The following GFRAL variants were observed in gnomAD, a reference collection of about 807,000 sequenced individuals.
GFRAL encodes the protein GDNF family receptor alpha-like.
In GFRAL, 36 loss-of-function variants were observed where a neutral mutation model predicts 45.4. The observed-to-expected ratio is 0.79, with a 90% CI of 0.61 to 1.05. GFRAL has a LOEUF of 1.05. Ranked by LOEUF, GFRAL falls within the 50% of genes least tolerant of loss-of-function variation. The probability of loss-of-function intolerance (pLI) is 0.00; values close to 1 mark genes in which losing one functional copy is unlikely to be tolerated. For synonymous variants in GFRAL, 166 were observed against 154.1 expected (o/e 1.08, Z -0.57); for missense variants, 507 against 467.5 (o/e 1.08, Z -0.78).
intron 3 of GFRAL, among the ~76,000 whole-genome samples, chr6:55,342,808 C>T (rs1309276517): frequency 1.3e-5 from 2 of 151,798 alleles, no homozygotes; most frequent in Admixed American, 6.6e-5. Context: ...CACACATAGG[C>T]TCAAAATAAA....
At chr6:55,395,160 T>TG (rs1379625551) in intron 6 of GFRAL, among the ~76,000 whole-genome samples, 2 of 65,590 alleles carry the variant, frequency 3.0e-5, no homozygotes, top group African/African-American at 2.0e-4. Flanking sequence ...AATCAGCCTA[T>TG]GGAAAAAAAA....
At chr6:55,390,886 TCACACACATACACACA>T (rs1768741935) in intron 6 of GFRAL, among the ~76,000 whole-genome samples, 1 of 50,816 alleles carries the variant, frequency 2.0e-5, no homozygotes, top group South Asian at 7.1e-4. Context: ...AGACTCCATC[TCACACACATACACACA>T]CACACACACA....
At position 55,401,832 on chromosome 6, in the gene GFRAL, C is replaced by T; in HGVS notation, c.1164C>T (p.Ile388=). The part of the protein sequence containing the change: ...ISSKARDPSS[I]QIPGEL ...GTAAAGCAAGAGATCCTTCATCGAT[C>T]CAAATACCTGGAGAACTCTGATTCA... is the stretch of plus-strand genomic sequence containing the variant. The change falls in exon 9 of 9, where the codon ATC becomes ATT. Residue 388 remains isoleucine (I), a synonymous_variant. Transcript: ENST00000340465. 6.5e-7 allele frequency: 1 copy of T among 1,538,436 alleles called. No individual in the cohort carries two copies. Among genetic ancestry groups the T allele is most frequent in the Non-Finnish European group, 9.0e-7 (1 of 1,110,580 alleles).
At chr6:55,355,262 G>T (rs1487972908) in intron 5 of GFRAL, among the ~76,000 whole-genome samples, 1 of 151,714 alleles carries the variant, frequency 6.6e-6, no homozygotes, top group Admixed American at 6.6e-5. Flanking sequence ...TAGAGGACAG[G>T]TCAATAGGTG....
chr6:55,341,685 C>T (rs78948546), intron 3 of GFRAL, among the ~76,000 whole-genome samples: 38,294 of 152,082 alleles, frequency 0.25, 5,206 homozygotes, highest in Middle Eastern at 0.44. Context: ...ATGACTTTGA[C>T]GAGTTCAGAG....
intron 6 of GFRAL, 31 bp downstream of exon 6, chr6:55,359,169 T>C (rs2127357305): frequency 6.5e-7 from 1 of 1,538,856 alleles, no homozygotes; most frequent in Middle Eastern, 2.2e-4. Flanking sequence ...TATCTGTCTA[T>C]CTATCTATCT....
At chr6:55,367,447 A>G (rs1384241328) in intron 6 of GFRAL, among the ~76,000 whole-genome samples, 1 of 144,600 alleles carries the variant, frequency 6.9e-6, no homozygotes, top group Non-Finnish European at 1.5e-5. Flanking sequence ...TTACATTTAA[A>G]GTTAATATTG....
intron 6 of GFRAL, among the ~76,000 whole-genome samples, chr6:55,387,771 T>G (rs1023760270): frequency 2.0e-5 from 3 of 152,172 alleles, no homozygotes; most frequent in Non-Finnish European, 2.9e-5. Flanking sequence ...CTTTACAACA[T>G]TGCAAACATC....
At chr6:55,329,756 C>A (rs771723459) in intron 1 of GFRAL, among the ~76,000 whole-genome samples, 1 of 152,062 alleles carries the variant, frequency 6.6e-6, no homozygotes, top group African/African-American at 2.4e-5. Flanking sequence ...TGGGCCTAAT[C>A]TCCAAATGCA....
intron 3 of GFRAL, among the ~76,000 whole-genome samples, chr6:55,346,477 G>A (rs1318143926): frequency 6.6e-6 from 1 of 152,030 alleles, no homozygotes; most frequent in Non-Finnish European, 1.5e-5. Flanking sequence ...TCACTCATAG[G>A]TGGGAATTGA....
At position 55,381,576 on chromosome 6, in the gene GFRAL, A is replaced by G. The variant is rs923984410; in HGVS notation, c.953-17604A>G. ...GAAAGTACTTTGAATACACTCATTT[A>G]TATATGGAGGTGCATGATACATAGT... On this transcript the variant is annotated intron_variant, in intron 6 of 8. Transcript: ENST00000340465. Among the ~76,000 whole-genome samples the G allele has an allele frequency of 2.6e-5, 4 of 151,906 alleles. No individual in the cohort carries two copies. The South Asian group carries it at 6.2e-4, about 24-fold the overall frequency.
intron 6 of GFRAL, among the ~76,000 whole-genome samples, chr6:55,396,723 T>G: frequency 6.6e-6 from 1 of 152,088 alleles, no homozygotes; most frequent in Admixed American, 6.5e-5. Flanking sequence ...TAAAAAAAAG[T>G]ATTATTTAAA....
At chr6:55,347,734 G>A (rs1247003275) in intron 3 of GFRAL, among the ~76,000 whole-genome samples, 6 of 152,088 alleles carry the variant, frequency 3.9e-5, no homozygotes. Flanking sequence ...AGGGAAGTGA[G>A]GCTAGAGAAA....
intron 3 of GFRAL, among the ~76,000 whole-genome samples, chr6:55,338,197 T>C (rs1767915899): frequency 6.6e-6 from 1 of 152,088 alleles, no homozygotes; most frequent in South Asian, 2.1e-4. Flanking sequence ...TTCAAGCTAT[T>C]CCTCTGCCTC....
intron 6 of GFRAL, among the ~76,000 whole-genome samples, chr6:55,364,151 C>G (rs975420617): frequency 2.0e-5 from 3 of 150,812 alleles, no homozygotes; most frequent in Admixed American, 6.6e-5. Context: ...GAGATGGTAT[C>G]TCATTGTGGT....
At chr6:55,396,297 A>T (rs1768823933) in intron 6 of GFRAL, among the ~76,000 whole-genome samples, 1 of 152,224 alleles carries the variant, frequency 6.6e-6, no homozygotes, top group Non-Finnish European at 1.5e-5. Context: ...ATGTGAGAGA[A>T]ATTTAGTAAA....
In GFRAL at chr6:55,351,253, G is replaced by A. The variant is rs368896330; in HGVS notation, c.371G>A (p.Gly124Glu). ...KWNLTTRSHH[G>E]FKGMWSCLEV... is the part of the protein sequence containing the mutation. ...GACCTGGGCATATCATTGCTTTCAG[G>A]ATTCAAAGGGATGTGGTCCTGTTTG... Residue 124 changes from glycine to glutamate, a missense_variant and splice_region_variant, in exon 5 of 9, where the codon GGA becomes GAA. Gly to Glu is a moderately conservative substitution (Grantham distance 98). Coordinates refer to ENST00000340465, the MANE Select transcript of GFRAL (RefSeq NM_207410.2). 5 of 1,574,918 alleles carry A rather than the reference G, an allele frequency of 3.2e-6. No homozygotes were observed. In the African/African-American group the frequency reaches 5.4e-5, roughly 17 times the overall value.
intron 6 of GFRAL, among the ~76,000 whole-genome samples, chr6:55,380,834 A>C (rs1329246585): frequency 6.6e-6 from 1 of 152,000 alleles, no homozygotes; most frequent in Non-Finnish European, 1.5e-5. Context: ...TGAATTCAAT[A>C]GCTTTTCCTT....
chr6:55,368,768 A>G (rs949438615), intron 6 of GFRAL, among the ~76,000 whole-genome samples: 1 of 152,184 alleles, frequency 6.6e-6, no homozygotes, highest in Non-Finnish European at 1.5e-5. Flanking sequence ...GTCAGGGGTC[A>G]GGGACCCACC....
Sources: gnomAD v4.1 joint callset for allele counts (sites outside exome capture counted in the v4.1 genomes callset) on GRCh38, gnomAD v4.1.1 for gene constraint, MANE v1.5 for transcripts, NCBI Gene and HGNC (gene_info 2026-07-23, HGNC 2026-07-21) for gene names.